KIF21A: variants seen among roughly 807,000 people sequenced by gnomAD.
KIF21A encodes the protein kinesin family member 21A.
In KIF21A, 114 loss-of-function variants were observed where a neutral mutation model predicts 202.9. The observed-to-expected ratio is 0.56, with a 90% CI of 0.48 to 0.66. The LOEUF (loss-of-function observed/expected upper bound fraction) is 0.66. Ranked by LOEUF, KIF21A falls within the 30% of genes least tolerant of loss-of-function variation. The probability of loss-of-function intolerance (pLI) is 0.00; values close to 1 mark genes in which losing one functional copy is unlikely to be tolerated. For synonymous variants in KIF21A, 667 were observed against 670.8 expected, an observed-to-expected ratio of 0.99 and a Z score of 0.09; for missense variants, 1,677 against 1,994.9, an observed-to-expected ratio of 0.84 and a Z score of 3.04.
chr12:39,415,203 A>AT (rs1213840475), intron 1 of KIF21A, among the ~76,000 whole-genome samples: 2 of 119,996 alleles, frequency 1.7e-5, no homozygotes, highest in Admixed American at 1.6e-4. Context: ...CAGGACGGAA[A>AT]TTTTTTTAAA....
At chr12:39,382,312 T>C (rs1489621524) in intron 1 of KIF21A, among the ~76,000 whole-genome samples, 2 of 152,162 alleles carry the variant, frequency 1.3e-5, no homozygotes, top group East Asian at 3.8e-4. Context: ...AAAAGATGAC[T>C]GAAAACCATT....
chr12:39,308,468 T>A (rs1943691860), intron 33 of KIF21A, among the ~76,000 whole-genome samples: 1 of 152,000 alleles, frequency 6.6e-6, no homozygotes, highest in Non-Finnish European at 1.5e-5. Flanking sequence ...ACCACCCCAC[T>A]CCACCCAAGG....
chr12:39,322,341 T>C (rs963943336), intron 27 of KIF21A: 8 of 204,600 alleles, frequency 3.9e-5, no homozygotes, highest in Non-Finnish European at 7.8e-5. Context: ...AATAGTTATA[T>C]AATGGTTTTA....
chr12:39,365,894 C>CA (rs1273255893), intron 6 of KIF21A, among the ~76,000 whole-genome samples: 4 of 152,066 alleles, frequency 2.6e-5, no homozygotes, highest in Admixed American at 2.6e-4. Flanking sequence ...CCTGTGGTCC[C>CA]AGCTTCTATG....
intron 1 of KIF21A, among the ~76,000 whole-genome samples, chr12:39,429,804 G>T (rs964274245): frequency 7.9e-5 from 12 of 152,172 alleles, no homozygotes; most frequent in African/African-American, 2.4e-4. Context: ...GAAAAATAGA[G>T]TTTCAGGTAG....
intron 11 of KIF21A, among the ~76,000 whole-genome samples, chr12:39,349,889 GATTCACAAAT>G (rs1948225722): frequency 6.6e-6 from 1 of 151,880 alleles, no homozygotes; most frequent in Non-Finnish European, 1.5e-5. Flanking sequence ...AAATTTTTTA[GATTCACAAAT>G]TATATAGGTG....
chr12:39,400,393 T>G (rs564957982), intron 1 of KIF21A, among the ~76,000 whole-genome samples: 2 of 152,146 alleles, frequency 1.3e-5, no homozygotes, highest in Non-Finnish European at 2.9e-5. Flanking sequence ...ACCTAGGTAT[T>G]AAGCCCAGCA....
intron 11 of KIF21A, among the ~76,000 whole-genome samples, chr12:39,351,408 T>C (rs1283864120): frequency 2.6e-5 from 4 of 152,062 alleles, no homozygotes; most frequent in Non-Finnish European, 5.9e-5. Context: ...GACTATTTAA[T>C]TGCATTAGGA....
chr12:39,412,543 C>A (rs1953191603), intron 1 of KIF21A, among the ~76,000 whole-genome samples: 1 of 152,036 alleles, frequency 6.6e-6, no homozygotes, highest in Admixed American at 6.6e-5. Context: ...ATGGTGAAAC[C>A]CTGTCTCTAC....
At chr12:39,395,893 C>T (rs1029679626) in intron 1 of KIF21A, among the ~76,000 whole-genome samples, 8 of 151,414 alleles carry the variant, frequency 5.3e-5, no homozygotes, top group Admixed American at 5.3e-4. Context: ...CTTTTTCTTC[C>T]TTCCCCCCGC....
chr12:39,424,594 C>A (rs1954601864), intron 1 of KIF21A, among the ~76,000 whole-genome samples: 1 of 152,148 alleles, frequency 6.6e-6, no homozygotes, highest in Non-Finnish European at 1.5e-5. Flanking sequence ...ATCTCACCCC[C>A]AAAAAATCAA....
chr12:39,402,314 C>A lies in KIF21A; in HGVS notation c.45-32053G>T, dbSNP rs1320458434. On this transcript the variant is annotated intron_variant, in intron 1 of 37. Coordinates refer to ENST00000361418, the MANE Select transcript of KIF21A (RefSeq NM_001173464.2). ...ATCAATGTATTTCTAGAAAGAAAGGCAAGGAGAAAGCCATAATGGTAGTTT... is the reference window on the plus strand; with the variant it reads ...ATCAATGTATTTCTAGAAAGAAAGGAAAGGAGAAAGCCATAATGGTAGTTT... Among the ~76,000 whole-genome samples, 6 of 152,190 alleles carry A rather than the reference C, an allele frequency of 3.9e-5. No individual in the cohort carries two copies. In the East Asian group the frequency reaches 1.2e-3, roughly 29 times the overall value.
rs185650105 is a variant in KIF21A at position 39,333,388 on chromosome 12, C to A, written c.2419-108G>T. Reference sequence around the variant, plus strand: ...ACCCCTGGGAACTATGAGTTCTTAGCAGAATCTTTGAGTCAACAACCTTGT... The same window carrying A: ...ACCCCTGGGAACTATGAGTTCTTAGAAGAATCTTTGAGTCAACAACCTTGT... On this transcript the variant is annotated intron_variant, in intron 17 of 37. Transcript: ENST00000361418. 1.3e-4 allele frequency: 105 copies of A among 829,924 alleles called. No individual in the cohort carries two copies. In the African/African-American group the frequency reaches 1.4e-3, roughly 11 times the overall value. The allele number at this position is 829,924 out of a possible 1,614,324, so 51.4% of individuals were successfully genotyped here. A position where few individuals can be genotyped will look rare whatever the true frequency, so the allele number is the denominator to read the frequency against.
At chr12:39,316,026 G>A (rs1178954876) in intron 29 of KIF21A, 56 bp from the exon 30 acceptor site, 2 of 1,219,324 alleles carry the variant, frequency 1.6e-6, no homozygotes, top group Non-Finnish European at 2.4e-6. Context: ...AACAGGTAAG[G>A]ACACTGACTT....
intron 37 of KIF21A, among the ~76,000 whole-genome samples, chr12:39,296,459 G>C (rs1156927420): frequency 6.6e-6 from 1 of 152,108 alleles, no homozygotes; most frequent in Non-Finnish European, 1.5e-5. Context: ...AAAGGAGACA[G>C]ACAATAAACC....
chr12:39,331,034 C>A, intron 22 of KIF21A, 123 bp from the exon 23 acceptor site: 1 of 885,924 alleles, frequency 1.1e-6, no homozygotes, highest in Non-Finnish European at 1.8e-6. Context: ...TCGAGTCATC[C>A]CAGCTCCTCC....
At chr12:39,327,361 G>A (rs1285638850) in intron 24 of KIF21A, among the ~76,000 whole-genome samples, 2 of 152,006 alleles carry the variant, frequency 1.3e-5, no homozygotes, top group Non-Finnish European at 2.9e-5. Context: ...TTTCTGAAGT[G>A]AAAAAAATGG....
intron 26 of KIF21A, among the ~76,000 whole-genome samples, 200 bp from the exon 27 acceptor site, chr12:39,323,082 A>T (rs1945464119): frequency 7.4e-6 from 1 of 135,020 alleles, no homozygotes; most frequent in African/African-American, 2.6e-5. Context: ...AATAATAGCC[A>T]ACATTTGTAT....
At chr12:39,439,903 C>T (rs1251603261) in intron 1 of KIF21A, among the ~76,000 whole-genome samples, 1 of 152,174 alleles carries the variant, frequency 6.6e-6, no homozygotes, top group African/African-American at 2.4e-5. Context: ...GAGTCATCAG[C>T]TTTAACATAC....
Sources: allele counts gnomAD v4.1 joint callset (sites outside exome capture counted in the v4.1 genomes callset), GRCh38; gene constraint gnomAD v4.1.1; transcripts MANE v1.5; gene names NCBI Gene and HGNC (gene_info 2026-07-23, HGNC 2026-07-21).